Variants in WDR72 observed in about 807,000 individuals in gnomAD.
WDR72 encodes the protein WD repeat-containing protein 72.
Under a neutral mutation model 124.2 loss-of-function variants are expected in WDR72, and 120 were observed. That is an observed-to-expected ratio of 0.97 (90% CI 0.83 to 1.12). The LOEUF is 1.12. WDR72 is among the 50% of genes most tolerant of loss of function. WDR72 has a pLI of 0.00. For synonymous variants in WDR72, 452 were observed against 441.7 expected (o/e 1.02, Z -0.29); for missense variants, 1,387 against 1,278.8 (o/e 1.08, Z -1.29).
chr15:53,737,488 G>C (rs2018390869), intron 1 of WDR72, among the ~76,000 whole-genome samples: 1 of 152,090 alleles, frequency 6.6e-6, no homozygotes, highest in Admixed American at 6.6e-5. Context: ...AATGTACCAG[G>C]CAAATAGTAA....
At chr15:53,745,893 C>T (rs2140887686) in intron 1 of WDR72, among the ~76,000 whole-genome samples, 1 of 152,234 alleles carries the variant, frequency 6.6e-6, no homozygotes, top group East Asian at 1.9e-4. Context: ...TTACTAACAG[C>T]CCATCCAGAA....
At chr15:53,695,860 C>T (rs963852501) in intron 13 of WDR72, among the ~76,000 whole-genome samples, 2 of 152,160 alleles carry the variant, frequency 1.3e-5, no homozygotes, top group Non-Finnish European at 2.9e-5. Context: ...TGAGAATAGG[C>T]TCTTATAAAG....
chr15:53,656,425 T>G (rs1595824048), intron 14 of WDR72, among the ~76,000 whole-genome samples: 1 of 152,160 alleles, frequency 6.6e-6, no homozygotes, highest in East Asian at 1.9e-4. Flanking sequence ...TCTTAATACA[T>G]TTTGTTTTTA....
At chr15:53,530,946 G>A (rs1018341671) in intron 18 of WDR72, among the ~76,000 whole-genome samples, 3 of 152,072 alleles carry the variant, frequency 2.0e-5, no homozygotes, top group African/African-American at 4.8e-5. Flanking sequence ...TTGGCAGGCA[G>A]TCTCAAATTC....
intron 3 of WDR72, among the ~76,000 whole-genome samples, chr15:53,721,863 T>C (rs769034018): frequency 6.6e-6 from 1 of 152,110 alleles, no homozygotes; most frequent in Non-Finnish European, 1.5e-5. Flanking sequence ...ATAGTATTTC[T>C]TCCATCAGTG....
At chr15:53,565,118 T>C (rs1232213068) in intron 18 of WDR72, among the ~76,000 whole-genome samples, 5 of 151,824 alleles carry the variant, frequency 3.3e-5, no homozygotes, top group Admixed American at 3.3e-4. Flanking sequence ...AATAAAAATT[T>C]CATGAGCATA....
chr15:53,733,676 T>A (rs2018269426), intron 1 of WDR72, among the ~76,000 whole-genome samples: 1 of 152,232 alleles, frequency 6.6e-6, no homozygotes. Flanking sequence ...CTGTCATGAT[T>A]TCTGCCATAT....
chr15:53,649,789 C>G lies in WDR72; in HGVS notation c.1962+15783G>C, dbSNP rs1041721559. ...TAAATGAAAACAAAAACAAAACAAA[C>G]AAAAGTCAGGTGTTTGTGAGGATGT... is the stretch of plus-strand genomic sequence containing the variant. On this transcript the variant is annotated intron_variant, in intron 14 of 19. Transcript: ENST00000360509. Among the ~76,000 whole-genome samples the G allele has an allele frequency of 6.6e-5, 10 of 152,090 alleles. 1 individual carries two copies. Among genetic ancestry groups the G allele is most frequent in the Admixed American group, 6.6e-4 (10 of 15,258 alleles).
At chr15:53,739,845 G>T (rs532681985) in intron 1 of WDR72, among the ~76,000 whole-genome samples, 23 of 152,122 alleles carry the variant, frequency 1.5e-4, no homozygotes, top group African/African-American at 5.6e-4. Context: ...AAAGGAAACT[G>T]GGCATTTTTT....
intron 10 of WDR72, among the ~76,000 whole-genome samples, chr15:53,705,711 C>T (rs945078457): frequency 2.6e-5 from 4 of 152,184 alleles, no homozygotes; most frequent in South Asian, 4.1e-4. Context: ...AATCCACCCA[C>T]CTCAGCTTCC....
At chr15:53,609,290 C>T (rs2013429061) in intron 17 of WDR72, among the ~76,000 whole-genome samples, 1 of 152,096 alleles carries the variant, frequency 6.6e-6, no homozygotes, top group Non-Finnish European at 1.5e-5. Flanking sequence ...CCTGTGATAG[C>T]AAGAACCTCC....
At chr15:53,666,794 A>G (rs1330532016) in intron 13 of WDR72, among the ~76,000 whole-genome samples, 1 of 152,150 alleles carries the variant, frequency 6.6e-6, no homozygotes, top group Non-Finnish European at 1.5e-5. Flanking sequence ...TGGTAGATAC[A>G]TTTGAAGATT....
intron 2 of WDR72, among the ~76,000 whole-genome samples, chr15:53,731,646 C>T (rs1187551836): frequency 6.6e-6 from 1 of 151,658 alleles, no homozygotes; most frequent in Non-Finnish European, 1.5e-5. Flanking sequence ...CATGGCATAA[C>T]TTCTCCACTG....
rs3081256 is a variant in WDR72 at position 53,619,264 on chromosome 15, T to TTGTGTGTGTG, written c.1963-3031_1963-3022dup. 3.0e-3 allele frequency among the ~76,000 whole-genome samples: 442 copies of TTGTGTGTGTG among 147,504 alleles called. 1 individual carries two copies. Among genetic ancestry groups the TTGTGTGTGTG allele is most frequent in the Non-Finnish European group, 4.6e-3 (304 of 66,568 alleles). The stretch of plus-strand genomic sequence containing the variant: ...TCCTGTTTCCTTGTATGCTTTATAA[T>TTGTGTGTGTG]TGTGTGTGTGTGTGTGTGTGTGTGT... On this transcript the variant is annotated intron_variant, in intron 14 of 19. Transcript: ENST00000360509.
intron 18 of WDR72, among the ~76,000 whole-genome samples, chr15:53,526,147 T>A (rs892695402): frequency 6.6e-6 from 1 of 151,816 alleles, no homozygotes; most frequent in Non-Finnish European, 1.5e-5. Context: ...CTGTGAGGGG[T>A]AAAGACATGA....
chr15:53,515,043 A>ATATATATGTGTG lies in WDR72; in HGVS notation c.*2644_*2655dup, dbSNP rs778784142. The ATATATATGTGTG allele has an allele frequency of 1.4e-5, 2 of 146,696 alleles. No homozygotes were observed. Among genetic ancestry groups the ATATATATGTGTG allele is most frequent in the African/African-American group, 2.5e-5 (1 of 40,458 alleles). 9.1% of individuals were successfully genotyped at this position (146,696 alleles called of 1,614,324 possible). ...TATATATACACACATATATATGTGT[A>ATATATATGTGTG]TATATATGTGTGTATATATATACAC... On this transcript the variant is annotated 3_prime_UTR_variant, in exon 20 of 20. Transcript: ENST00000360509.
chr15:53,545,673 T>A (rs1028279309), intron 18 of WDR72, among the ~76,000 whole-genome samples: 1 of 140,400 alleles, frequency 7.1e-6, no homozygotes, highest in Non-Finnish European at 1.6e-5. Context: ...GGGATCTAAT[T>A]AAACTAAAGA....
chr15:53,762,602 C>G (rs1486800321), upstream of WDR72: 1 of 152,244 alleles, frequency 6.6e-6, no homozygotes, highest in East Asian at 1.9e-4. Flanking sequence ...GTTCTTATAT[C>G]AAAGTTAATA....
intron 13 of WDR72, among the ~76,000 whole-genome samples, chr15:53,668,838 G>A (rs1344316402): frequency 1.3e-5 from 2 of 149,334 alleles, no homozygotes; most frequent in African/African-American, 2.5e-5. Context: ...CCAGAAAGTC[G>A]AGGCTGCAGT....
Sources: gnomAD v4.1 joint callset for allele counts (sites outside exome capture counted in the v4.1 genomes callset) on GRCh38, gnomAD v4.1.1 for gene constraint, MANE v1.5 for transcripts, NCBI Gene and HGNC (gene_info 2026-07-23, HGNC 2026-07-21) for gene names.